Variants in SLIT3 observed in about 807,000 individuals in gnomAD.
SLIT3 encodes the protein slit guidance ligand 3.
A neutral mutation model predicts 184.0 loss-of-function variants in SLIT3; 68 were observed. That is an observed-to-expected ratio of 0.37 (90% CI 0.30 to 0.45). The LOEUF (loss-of-function observed/expected upper bound fraction) is 0.45. Among genes scored for constraint, SLIT3 ranks in the 20% least tolerant of loss-of-function variants. The pLI, the probability that SLIT3 is intolerant of heterozygous loss-of-function variation, is 1.00. For synonymous variants in SLIT3, 831 were observed against 828.6 expected (o/e 1.00, Z -0.05); for missense variants, 1,707 against 2,026.0 (o/e 0.84, Z 3.02).
intron 5 of SLIT3, among the ~76,000 whole-genome samples, chr5:168,880,018 T>C (rs1486195573): frequency 1.3e-5 from 2 of 152,226 alleles, no homozygotes; most frequent in African/African-American, 4.8e-5. Context: ...TAATCGTTTT[T>C]CACTTCCTTT....
At chr5:169,272,794 T>C (rs973644602) in intron 1 of SLIT3, among the ~76,000 whole-genome samples, 4 of 152,078 alleles carry the variant, frequency 2.6e-5, no homozygotes, top group Admixed American at 6.5e-5. Context: ...TCCAGTAAAA[T>C]TGAGAGCAGC....
At position 169,300,878 on chromosome 5, in the gene SLIT3, G is replaced by C. The variant is rs915865198; in HGVS notation, c.-169C>G. ...GCACGGGGCGCGGGCGGAGCGGGGC[G>C]CTCCGGGCGGCGGCGGCGGCAGCAA... On this transcript the variant is annotated 5_prime_UTR_variant, in exon 1 of 36. Transcript: ENST00000519560. The surrounding 1 kb of genome is among the most constrained non-coding windows in gnomAD (Gnocchi z 4.1). 1.6e-5 allele frequency: 8 copies of C among 487,760 alleles called. No homozygotes were observed. The African/African-American group carries it at 1.7e-4, about 10-fold the overall frequency. The allele number at this position is 487,760 out of a possible 1,614,324, so 30.2% of individuals were successfully genotyped here. A position where few individuals can be genotyped will look rare whatever the true frequency, so the allele number is the denominator to read the frequency against.
At chr5:169,226,011 G>T (rs1339698291) in intron 3 of SLIT3, among the ~76,000 whole-genome samples, 1 of 152,166 alleles carries the variant, frequency 6.6e-6, no homozygotes, top group Non-Finnish European at 1.5e-5. Context: ...TGGCGCGGAT[G>T]AGATCAGCAC....
In SLIT3 at chr5:169,254,305, G is replaced by C. The variant is rs7716873; in HGVS notation, c.198-2846C>G. ...GCCAGCCCCCACTGTCCCGGCCCAG[G>C]CTCCTCCAGACCTTTATGACCTTCA... On this transcript the variant is annotated intron_variant, in intron 1 of 35. Transcript: ENST00000519560. Among the ~76,000 whole-genome samples the C allele has an allele frequency of 9.9e-4, 151 of 152,048 alleles. 1 individual carries two copies. Among genetic ancestry groups the C allele is most frequent in the African/African-American group, 3.5e-3 (145 of 41,488 alleles).
chr5:168,964,571 C>G (rs925734694), intron 4 of SLIT3, among the ~76,000 whole-genome samples: 12 of 152,204 alleles, frequency 7.9e-5, no homozygotes, highest in African/African-American at 2.4e-4. Flanking sequence ...TTGAGTGAAA[C>G]TTACTGCGTA....
intron 9 of SLIT3, among the ~76,000 whole-genome samples, chr5:168,799,137 A>T (rs1196574766): frequency 6.6e-6 from 1 of 152,206 alleles, no homozygotes; most frequent in Non-Finnish European, 1.5e-5. Context: ...GCAGGTTCAC[A>T]TGCAGTCTCT....
In SLIT3 at chr5:168,770,627, T is replaced by A. The variant is rs138207865; in HGVS notation, c.1459+2154A>T. Among the ~76,000 whole-genome samples the A allele has an allele frequency of 3.0e-3, 455 of 150,892 alleles. 7 individuals carry two copies. The highest frequency in any genetic ancestry group is 0.029 in the South Asian group (138 of 4,704). On this transcript the variant is annotated intron_variant, in intron 14 of 35. Coordinates refer to ENST00000519560, the MANE Select transcript of SLIT3 (RefSeq NM_003062.4). ...TCATGCTAGCTCCAAACATCTCTAC[T>A]TTTTAGGAATAATCTTTCGCTTAGC...
rs551690484 is a variant in SLIT3 at position 168,932,739 on chromosome 5, G to A, written c.414-49403C>T. On this transcript the variant is annotated intron_variant, in intron 4 of 35. Coordinates refer to ENST00000519560, the MANE Select transcript of SLIT3 (RefSeq NM_003062.4). ...TAGTTTGTTTCCACATCTGTAAAAC[G>A]GGAATGCCTGCCCCGTAGGGCTTCT... 3.3e-5 allele frequency among the ~76,000 whole-genome samples: 5 copies of A among 152,292 alleles called. No homozygotes were observed. The South Asian group carries it at 6.2e-4, about 19-fold the overall frequency.
intron 4 of SLIT3, among the ~76,000 whole-genome samples, chr5:168,942,834 G>A (rs1298867858): frequency 6.6e-6 from 1 of 151,366 alleles, no homozygotes; most frequent in East Asian, 1.9e-4. Context: ...ATTTCTGACT[G>A]CTGATGGCTG....
chr5:169,181,721 A>T (rs2113443736), intron 4 of SLIT3, among the ~76,000 whole-genome samples: 1 of 146,866 alleles, frequency 6.8e-6, no homozygotes, highest in Non-Finnish European at 1.5e-5. Flanking sequence ...CAGCCTGGCG[A>T]CAGAGCGAGA....
chr5:169,196,525 C>T (rs533547852), intron 3 of SLIT3, among the ~76,000 whole-genome samples: 23 of 152,252 alleles, frequency 1.5e-4, no homozygotes, highest in African/African-American at 4.8e-4. Context: ...CGCCATGCCA[C>T]GTGCTACACA....
intron 5 of SLIT3, among the ~76,000 whole-genome samples, chr5:168,873,436 C>T (rs56240000): frequency 0.11 from 16,114 of 151,062 alleles, 1,097 homozygotes; most frequent in Non-Finnish European, 0.15. Context: ...TCAAGACCAG[C>T]CTGGGCAACA....
chr5:168,717,686 A>C (rs1762786121), intron 23 of SLIT3, among the ~76,000 whole-genome samples: 1 of 151,820 alleles, frequency 6.6e-6, no homozygotes, highest in Non-Finnish European at 1.5e-5. Flanking sequence ...TTTGAGACCG[A>C]ATCTCGCTCT....
intron 8 of SLIT3, among the ~76,000 whole-genome samples, chr5:168,812,675 G>A (rs897193771): frequency 4.6e-5 from 7 of 152,140 alleles, no homozygotes; most frequent in African/African-American, 1.4e-4. Flanking sequence ...AACAGACTGC[G>A]ATGACAATGG....
Position 168,673,284 on chromosome 5 carries a change from G to A in SLIT3, c.3734C>T (p.Thr1245Met), listed in dbSNP as rs771305962. 1.1e-4 allele frequency: 170 copies of A among 1,613,868 alleles called. No individual in the cohort carries two copies. Among genetic ancestry groups the A allele is most frequent in the South Asian group, 1.8e-4 (16 of 91,074 alleles). The change falls in exon 33 of 36, where the codon ACG becomes ATG. Residue 1245 changes from threonine (T) to methionine (M), a missense_variant. Thr to Met is a moderately conservative substitution (Grantham distance 81). Transcript: ENST00000519560. ...TACTAGGTTCAGGGTCTGGTTTAGCGTCACCAGCTCCACACTGTGAAACTG... is the reference window on the plus strand; with the variant it reads ...TACTAGGTTCAGGGTCTGGTTTAGCATCACCAGCTCCACACTGTGAAACTG... ...DGQFHSVELV[T>M]LNQTLNLVVD...
At chr5:168,754,842 G>A (rs1168968775) in intron 16 of SLIT3, among the ~76,000 whole-genome samples, 1 of 152,148 alleles carries the variant, frequency 6.6e-6, no homozygotes, top group Non-Finnish European at 1.5e-5. Context: ...GACTGACAGA[G>A]TTAAAATAGT....
At chr5:168,865,566 G>T (rs1043585095) in intron 5 of SLIT3, among the ~76,000 whole-genome samples, 1 of 152,170 alleles carries the variant, frequency 6.6e-6, no homozygotes, top group Non-Finnish European at 1.5e-5. Context: ...ATTGGTGTTC[G>T]CCAGGATCCA....
chr5:168,722,172 A>T (rs964078445), intron 23 of SLIT3, 84 bp downstream of exon 23: 4 of 1,236,584 alleles, frequency 3.2e-6, no homozygotes, highest in Admixed American at 3.6e-5. Context: ...CTTTGGGCAG[A>T]GAGTGGGGAA....
chr5:168,882,204 T>C (rs1241180284), intron 5 of SLIT3, among the ~76,000 whole-genome samples: 2 of 152,110 alleles, frequency 1.3e-5, no homozygotes, highest in Non-Finnish European at 2.9e-5. Context: ...ACGTCTCAAA[T>C]TGAATCTGGG....
Sources: gnomAD v4.1 joint callset for allele counts (sites outside exome capture counted in the v4.1 genomes callset) on GRCh38, gnomAD v4.1.1 for gene constraint, Gnocchi (gnomAD v3.1) non-coding constraint, MANE v1.5 for transcripts, NCBI Gene and HGNC (gene_info 2026-07-23, HGNC 2026-07-21) for gene names.